GZMK: variants seen among roughly 807,000 people sequenced by gnomAD.
GZMK encodes the protein granzyme K, also known as NK-Tryp-2.
Under a neutral mutation model 22.8 loss-of-function variants are expected in GZMK, and 18 were observed. That is an observed-to-expected ratio of 0.79 (90% confidence interval 0.54 to 1.17). The LOEUF is 1.17. Among genes scored for constraint, GZMK ranks in the 50% most tolerant of loss-of-function variants. The pLI is 0.00. For synonymous variants in GZMK, 136 were observed against 115.0 expected (o/e 1.18, Z -1.17); for missense variants, 342 against 320.2 (o/e 1.07, Z -0.52).
chr5:55,032,818 T>G (rs1353618574), intron 4 of GZMK: 1 of 152,230 alleles, frequency 6.6e-6, no homozygotes, highest in Non-Finnish European at 1.5e-5. Flanking sequence ...TGTTCATGTT[T>G]GTATGAACTA....
intron 3 of GZMK, among the ~76,000 whole-genome samples, chr5:55,030,957 C>T (rs1741219800): frequency 6.6e-6 from 1 of 152,210 alleles, no homozygotes; most frequent in African/African-American, 2.4e-5. Context: ...TTCGGGGGCT[C>T]AGCAGTGAGT....
intron 2 of GZMK, chr5:55,028,680 C>A (rs1299209850): frequency 6.6e-6 from 1 of 152,120 alleles, no homozygotes; most frequent in Admixed American, 6.5e-5. Flanking sequence ...ACTTTGGTAG[C>A]TTTTCCAAGT....
chr5:55,030,747 G>A (rs770241635), intron 3 of GZMK, among the ~76,000 whole-genome samples, 163 bp downstream of exon 3: 17 of 152,076 alleles, frequency 1.1e-4, no homozygotes, highest in Non-Finnish European at 1.6e-4. Context: ...ATACTGTCTT[G>A]AAAGAAACAA....
In GZMK at chr5:55,033,986, G is replaced by C; in HGVS notation, c.*60G>C. On this transcript the variant is annotated 3_prime_UTR_variant, in exon 5 of 5. Coordinates refer to ENST00000231009, the MANE Select transcript of GZMK (RefSeq NM_002104.3). ...TTTTTCCTAATATGCTCGCAGGTTA[G>C]AGTTGGGTGTAAGTAAAGCAGAGCA... 2.1e-6 allele frequency: 3 copies of C among 1,410,782 alleles called. No individual in the cohort carries two copies. The highest frequency in any genetic ancestry group is 2.9e-6 in the Non-Finnish European group (3 of 1,020,570). The allele number at this position is 1,410,782 out of a possible 1,614,324, so 87.4% of individuals were successfully genotyped here.
Position 55,033,930 on chromosome 5 carries a change from A to T in GZMK, c.*4A>T, listed in dbSNP as rs565407788. On this transcript the variant is annotated 3_prime_UTR_variant, in exon 5 of 5. Coordinates refer to ENST00000231009, the MANE Select transcript of GZMK (RefSeq NM_002104.3). ...TGTCCCGCCTCATACAAATTAAGTT[A>T]CAAATAATTTTATTGGATGCACTTG... The T allele has an allele frequency of 6.2e-6, 10 of 1,600,246 alleles. No homozygotes were observed. In the South Asian group the frequency reaches 1.1e-4, roughly 18 times the overall value.
In GZMK at chr5:55,033,908, C is replaced by T. The variant is rs760592505; in HGVS notation, c.777C>T (p.Val259=). Residue 259 remains valine (V), a synonymous_variant, in exon 5 of 5, where the codon GTC becomes GTT. Transcript: ENST00000231009. ...KYQTWIKSNL[V]PPHTN ...AGACTTGGATCAAAAGCAACCTTGT[C>T]CCGCCTCATACAAATTAAGTTACAA... 5.0e-6 allele frequency: 8 copies of T among 1,602,552 alleles called. No homozygotes were observed. The African/African-American group carries it at 6.7e-5, about 14-fold the overall frequency.
chr5:55,030,654 C>T (rs1279227247), intron 3 of GZMK, 70 bp downstream of exon 3: 3 of 1,222,964 alleles, frequency 2.5e-6, no homozygotes, highest in South Asian at 1.3e-5. Flanking sequence ...TTAGTTAAAT[C>T]ACCTACAAAA....
intron 1 of GZMK, 30 bp downstream of exon 1, chr5:55,024,416 A>G (rs374389734): frequency 2.0e-6 from 2 of 995,572 alleles, no homozygotes; most frequent in East Asian, 2.4e-5. Context: ...ACATGTAAAC[A>G]TTAAATGAAT....
intron 3 of GZMK, among the ~76,000 whole-genome samples, chr5:55,030,850 C>T (rs113816675): frequency 1.9e-4 from 29 of 152,264 alleles, no homozygotes; most frequent in African/African-American, 6.7e-4. Context: ...TTAACAGGCC[C>T]AAGGATCCAC....
Position 55,024,298 on chromosome 5 carries a change from G to A in GZMK, c.-25G>A. 2 of 1,090,580 alleles carry A rather than the reference G, an allele frequency of 1.8e-6. No homozygotes were observed. Among genetic ancestry groups the A allele is most frequent in the Admixed American group, 1.7e-5 (1 of 58,720 alleles). The allele number at this position is 1,090,580 out of a possible 1,614,324, so 67.6% of individuals were successfully genotyped here. A position where few individuals can be genotyped will look rare whatever the true frequency, so the allele number is the denominator to read the frequency against. ...TCACAGGATCAACACATTTCATCTG[G>A]GCTTCTTAAATCTAAATCTTTAAAA... On this transcript the variant is annotated 5_prime_UTR_variant, in exon 1 of 5. Coordinates refer to ENST00000231009, the MANE Select transcript of GZMK (RefSeq NM_002104.3).
intron 2 of GZMK, 110 bp downstream of exon 2, chr5:55,024,917 G>A (rs186989921): frequency 3.1e-6 from 2 of 643,144 alleles, no homozygotes; most frequent in Non-Finnish European, 5.0e-6. Flanking sequence ...AGCTTCTGTG[G>A]TTACTGACCA....
Position 55,033,939 on chromosome 5 carries a change from T to G in GZMK, c.*13T>G. ...TCATACAAATTAAGTTACAAATAAT[T>G]TTATTGGATGCACTTGCTTCTTTTT... On this transcript the variant is annotated 3_prime_UTR_variant, in exon 5 of 5. Coordinates refer to ENST00000231009, the MANE Select transcript of GZMK (RefSeq NM_002104.3). 1 of 1,598,178 alleles carries G rather than the reference T, an allele frequency of 6.3e-7. No homozygotes were observed. The highest frequency in any genetic ancestry group is 8.5e-7 in the Non-Finnish European group (1 of 1,173,302).
At chr5:55,024,545 T>C in intron 1 of GZMK, 115 bp from the exon 2 acceptor site, 1 of 821,038 alleles carries the variant, frequency 1.2e-6, no homozygotes, top group Non-Finnish European at 1.9e-6. Flanking sequence ...AGCTTTTAGG[T>C]AGGGTTATTG....
intron 4 of GZMK, among the ~76,000 whole-genome samples, chr5:55,033,541 T>C (rs1374687445): frequency 1.3e-5 from 2 of 152,082 alleles, no homozygotes; most frequent in African/African-American, 4.8e-5. Context: ...TAGTCATAGA[T>C]AGAGACATAA....
intron 2 of GZMK, chr5:55,027,784 G>A (rs919786347): frequency 6.6e-6 from 1 of 152,284 alleles, no homozygotes; most frequent in Non-Finnish European, 1.5e-5. Flanking sequence ...TGGGACTCCG[G>A]AAACCACATT....
intron 2 of GZMK, among the ~76,000 whole-genome samples, chr5:55,029,707 C>T (rs957087496): frequency 6.6e-6 from 1 of 152,200 alleles, no homozygotes; most frequent in Non-Finnish European, 1.5e-5. Context: ...CCATGCCCAG[C>T]ATGCACCAGT....
At chr5:55,026,043 G>A (rs1460898518) in intron 2 of GZMK, among the ~76,000 whole-genome samples, 1 of 152,174 alleles carries the variant, frequency 6.6e-6, no homozygotes, top group Non-Finnish European at 1.5e-5. Context: ...GACAGAGTGG[G>A]GAACTGTCAG....
chr5:55,033,722 C>T (rs779054410), intron 4 of GZMK, 43 bp from the exon 5 acceptor site: 12 of 1,531,280 alleles, frequency 7.8e-6, no homozygotes, highest in Admixed American at 2.2e-5. Context: ...AAAAATATCC[C>T]AACAGCTTCT....
chr5:55,030,311 T>C, intron 2 of GZMK, 123 bp from the exon 3 acceptor site: 1 of 843,810 alleles, frequency 1.2e-6, no homozygotes, highest in Non-Finnish European at 1.9e-6. Flanking sequence ...CACCTAATCT[T>C]AGGCAGGTTA....
Sources: gnomAD v4.1 joint callset for allele counts (sites outside exome capture counted in the v4.1 genomes callset) on GRCh38, gnomAD v4.1.1 for gene constraint, MANE v1.5 for transcripts, NCBI Gene and HGNC (gene_info 2026-07-23, HGNC 2026-07-21) for gene names.